Variants in SCAPER observed in about 807,000 individuals in gnomAD.
The protein encoded by SCAPER is S-phase cyclin A associated protein in the ER.
In SCAPER, 98 loss-of-function variants were observed where a neutral mutation model predicts 182.2. The ratio of observed to expected loss-of-function variants is 0.54; its 90% CI spans 0.46 to 0.64. SCAPER has a LOEUF of 0.64. SCAPER is among the 30% of genes least tolerant of loss of function. SCAPER has a pLI of 0.00. For missense variants in SCAPER, 1,432 were observed against 1,690.0 expected, an observed-to-expected ratio of 0.85 and a Z score of 2.68; for synonymous variants, 605 against 564.6, an observed-to-expected ratio of 1.07 and a Z score of -1.01.
intron 24 of SCAPER, among the ~76,000 whole-genome samples, chr15:76,503,219 C>T (rs1453548643): frequency 6.6e-6 from 1 of 152,134 alleles, no homozygotes; most frequent in Non-Finnish European, 1.5e-5. Context: ...TTCCTTTCTT[C>T]CTTTCTACCT....
intron 22 of SCAPER, among the ~76,000 whole-genome samples, chr15:76,582,280 T>C (rs1227690470): frequency 6.6e-6 from 1 of 152,182 alleles, no homozygotes; most frequent in African/African-American, 2.4e-5. Context: ...AAAATCAACA[T>C]ATGAAAATCA....
chr15:76,885,525 C>T (rs2073793866), intron 1 of SCAPER, among the ~76,000 whole-genome samples: 1 of 152,180 alleles, frequency 6.6e-6, no homozygotes, highest in African/African-American at 2.4e-5. Context: ...GCTCTGTCGC[C>T]CAGACTGGAG....
chr15:76,574,355 T>A, intron 22 of SCAPER, 71 bp from the exon 23 acceptor site: 1 of 1,517,380 alleles, frequency 6.6e-7, no homozygotes, highest in South Asian at 1.2e-5. Context: ...CCAAAACACT[T>A]TGAAACACAA....
chr15:76,440,918 GT>G (rs1187911987), intron 25 of SCAPER, among the ~76,000 whole-genome samples: 449 of 62,626 alleles, frequency 7.2e-3, no homozygotes, highest in African/African-American at 0.028. Context: ...TTTTTTTTTT[GT>G]TTTTTTTTTT....
At chr15:76,500,764 T>A (rs1323169749) in intron 24 of SCAPER, among the ~76,000 whole-genome samples, 1 of 152,168 alleles carries the variant, frequency 6.6e-6, no homozygotes, top group Non-Finnish European at 1.5e-5. Context: ...CATTTGTCTG[T>A]ACTTGTTTTC....
chr15:76,829,180 A>G (rs900071192), intron 5 of SCAPER, among the ~76,000 whole-genome samples: 2 of 152,218 alleles, frequency 1.3e-5, no homozygotes, highest in Non-Finnish European at 2.9e-5. Context: ...GGAGGCCATT[A>G]TTCTAAGTGA....
intron 23 of SCAPER, among the ~76,000 whole-genome samples, chr15:76,517,467 A>G (rs2144200972): frequency 6.6e-6 from 1 of 151,174 alleles, no homozygotes; most frequent in South Asian, 2.1e-4. Context: ...CTCCTGCCTC[A>G]GCCTCCCAGG....
At chr15:76,651,478 A>G (rs1486577931) in intron 21 of SCAPER, among the ~76,000 whole-genome samples, 1 of 152,124 alleles carries the variant, frequency 6.6e-6, no homozygotes, top group African/African-American at 2.4e-5. Flanking sequence ...GAGTGAGCAT[A>G]CTTGTCATGT....
intron 5 of SCAPER, among the ~76,000 whole-genome samples, chr15:76,828,365 A>T (rs974187738): frequency 2.0e-5 from 3 of 151,574 alleles, no homozygotes; most frequent in African/African-American, 7.3e-5. Context: ...GTCTCAAGTT[A>T]TTCCATTATT....
chr15:76,467,457 T>A (rs1249373200), intron 25 of SCAPER, among the ~76,000 whole-genome samples: 3 of 115,188 alleles, frequency 2.6e-5, no homozygotes, highest in African/African-American at 9.6e-5. Context: ...TTTTTTTTTT[T>A]AAAGACAGGA....
intron 29 of SCAPER, among the ~76,000 whole-genome samples, chr15:76,364,800 G>C (rs146855154): frequency 6.6e-6 from 1 of 151,944 alleles, no homozygotes; most frequent in African/African-American, 2.4e-5. Flanking sequence ...TCTCCTGCTT[G>C]TAACACTTAG....
intron 17 of SCAPER, among the ~76,000 whole-genome samples, chr15:76,708,517 T>C (rs1488938072): frequency 3.3e-5 from 5 of 150,668 alleles, no homozygotes; most frequent in Admixed American, 3.3e-4. Context: ...CATACATAAA[T>C]GTAAAAATAG....
chr15:76,677,235 A>G (rs762501697), intron 20 of SCAPER, among the ~76,000 whole-genome samples: 1 of 152,130 alleles, frequency 6.6e-6, no homozygotes, highest in Non-Finnish European at 1.5e-5. Context: ...GCATAATACA[A>G]TTCCTATCTC....
intron 25 of SCAPER, among the ~76,000 whole-genome samples, chr15:76,452,581 T>C (rs146121898): frequency 1.2e-4 from 18 of 152,338 alleles, no homozygotes; most frequent in African/African-American, 3.6e-4. Context: ...TCACTTTCCT[T>C]TCATAAGAAC....
At chr15:76,850,887 A>G (rs1264482709) in intron 4 of SCAPER, among the ~76,000 whole-genome samples, 3 of 151,634 alleles carry the variant, frequency 2.0e-5, no homozygotes, top group African/African-American at 4.8e-5. Flanking sequence ...AGAAAAAAAA[A>G]GAGAGAATAT....
chr15:76,428,849 CT>C (rs1372763446), intron 26 of SCAPER, among the ~76,000 whole-genome samples: 1 of 89,236 alleles, frequency 1.1e-5, no homozygotes, highest in Non-Finnish European at 2.2e-5. Flanking sequence ...AATAGGTATC[CT>C]GATCAGATCA....
At chr15:76,583,135 G>A (rs1318330081) in intron 22 of SCAPER, among the ~76,000 whole-genome samples, 3 of 151,956 alleles carry the variant, frequency 2.0e-5, no homozygotes, top group East Asian at 1.9e-4. Flanking sequence ...GGCGGATCAC[G>A]AGGTCAGGAG....
Position 76,649,534 on chromosome 15 carries a change from A to T in SCAPER, c.2645+16119T>A, listed in dbSNP as rs191379759. Among the ~76,000 whole-genome samples, 817 of 151,480 alleles carry T rather than the reference A, an allele frequency of 5.4e-3. 6 individuals carry two copies. The highest frequency in any genetic ancestry group is 0.019 in the African/African-American group (791 of 41,444). On this transcript the variant is annotated intron_variant, in intron 21 of 31. Coordinates refer to ENST00000563290, the MANE Select transcript of SCAPER (RefSeq NM_020843.4). Reference sequence around the variant, plus strand: ...ATTACTTAAAACCATGATATGGAAAAAAATATATATATATGCATTTTTAAT... The same window carrying T: ...ATTACTTAAAACCATGATATGGAAATAAATATATATATATGCATTTTTAAT...
intron 21 of SCAPER, among the ~76,000 whole-genome samples, chr15:76,639,242 C>T (rs530833185): frequency 1.6e-4 from 24 of 152,282 alleles, no homozygotes; most frequent in African/African-American, 4.6e-4. Context: ...CTTCTCACTA[C>T]GCCATTGTTG....
Sources: gnomAD v4.1 joint callset for allele counts (sites outside exome capture counted in the v4.1 genomes callset) on GRCh38, gnomAD v4.1.1 for gene constraint, MANE v1.5 for transcripts, NCBI Gene and HGNC (gene_info 2026-07-23, HGNC 2026-07-21) for gene names.